RNGTT: variants seen among roughly 807,000 people sequenced by gnomAD.
RNGTT encodes mRNA-capping enzyme.
RNGTT carries 33 observed loss-of-function variants against 79.3 expected under a neutral mutation model. The observed-to-expected ratio is 0.42, with a 90% CI of 0.32 to 0.56. The LOEUF (loss-of-function observed/expected upper bound fraction) is 0.56, where lower values mean the gene tolerates loss of function less well. Among genes scored for constraint, RNGTT ranks in the 20% least tolerant of loss-of-function variants. The probability of loss-of-function intolerance (pLI) is 0.17; values close to 1 mark genes in which losing one functional copy is unlikely to be tolerated. For missense variants in RNGTT, 497 were observed against 739.1 expected (o/e 0.67, Z 3.80); for synonymous variants, 222 against 235.9 (o/e 0.94, Z 0.54).
At chr6:88,791,188 A>G (rs1165723806) in intron 12 of RNGTT, among the ~76,000 whole-genome samples, 1 of 150,030 alleles carries the variant, frequency 6.7e-6, no homozygotes, top group Non-Finnish European at 1.5e-5. Flanking sequence ...ATTGTCACCA[A>G]GGCCTGAGTG....
At chr6:88,625,033 T>C (rs1205129574) in intron 14 of RNGTT, among the ~76,000 whole-genome samples, 1 of 151,938 alleles carries the variant, frequency 6.6e-6, no homozygotes, top group Admixed American at 6.6e-5. Flanking sequence ...TGAGATACTA[T>C]ATATACCTAT....
intron 13 of RNGTT, among the ~76,000 whole-genome samples, chr6:88,713,794 G>T (rs565578112): frequency 6.6e-6 from 1 of 152,070 alleles, no homozygotes; most frequent in Non-Finnish European, 1.5e-5. Flanking sequence ...TATGAAACAG[G>T]AGATATGATA....
At chr6:88,919,832 A>C (rs996566764) in intron 4 of RNGTT, among the ~76,000 whole-genome samples, 1 of 148,440 alleles carries the variant, frequency 6.7e-6, no homozygotes, top group Non-Finnish European at 1.5e-5. Context: ...CTGGGATTAC[A>C]GGCATGCGCC....
chr6:88,678,206 C>T (rs1195481205), intron 14 of RNGTT, 147 bp downstream of exon 14: 4 of 1,298,510 alleles, frequency 3.1e-6, no homozygotes, highest in South Asian at 2.2e-5. Context: ...TGGTCTCAAC[C>T]TCCTGGGCTC....
chr6:88,726,146 A>G (rs552399813), intron 13 of RNGTT, among the ~76,000 whole-genome samples: 1 of 152,162 alleles, frequency 6.6e-6, no homozygotes, highest in Non-Finnish European at 1.5e-5. Flanking sequence ...CTTCTCTATG[A>G]CCCTGTAACA....
intron 4 of RNGTT, among the ~76,000 whole-genome samples, chr6:88,917,663 G>C (rs1784040598): frequency 6.6e-6 from 1 of 152,200 alleles, no homozygotes; most frequent in Non-Finnish European, 1.5e-5. Context: ...GAGGGTGGCG[G>C]ATCACTTGAG....
intron 12 of RNGTT, among the ~76,000 whole-genome samples, chr6:88,783,336 T>A (rs546771564): frequency 6.6e-6 from 1 of 152,174 alleles, no homozygotes; most frequent in East Asian, 1.9e-4. Flanking sequence ...GGAATCTCAA[T>A]TAGTCAAACT....
intron 6 of RNGTT, among the ~76,000 whole-genome samples, chr6:88,899,615 G>A (rs944340196): frequency 5.3e-5 from 8 of 151,888 alleles, no homozygotes; most frequent in African/African-American, 1.9e-4. Flanking sequence ...AAAAAAAGCT[G>A]GACAATGTTA....
At chr6:88,829,726 C>G (rs1293343139) in intron 11 of RNGTT, among the ~76,000 whole-genome samples, 2 of 145,442 alleles carry the variant, frequency 1.4e-5, no homozygotes, top group East Asian at 2.0e-4. Context: ...AAAAAAAAAC[C>G]AGGGGTTGCA....
chr6:88,865,747 TA>T (rs1782147427), intron 8 of RNGTT, among the ~76,000 whole-genome samples: 2 of 152,078 alleles, frequency 1.3e-5, no homozygotes, highest in Non-Finnish European at 2.9e-5. Context: ...ATTAGAATGA[TA>T]AAAACAAACC....
chr6:88,702,263 C>T (rs1019671652), intron 13 of RNGTT, among the ~76,000 whole-genome samples: 1 of 152,004 alleles, frequency 6.6e-6, no homozygotes, highest in African/African-American at 2.4e-5. Flanking sequence ...TAAAGCAATC[C>T]TAGGCAAAAG....
At chr6:88,698,135 T>C (rs1365857099) in intron 13 of RNGTT, among the ~76,000 whole-genome samples, 1 of 116,328 alleles carries the variant, frequency 8.6e-6, no homozygotes, top group African/African-American at 4.0e-5. Context: ...TACATATATA[T>C]GATATATATA....
chr6:88,708,250 A>G (rs1422886315), intron 13 of RNGTT, among the ~76,000 whole-genome samples: 1 of 152,072 alleles, frequency 6.6e-6, no homozygotes, highest in Admixed American at 6.6e-5. Context: ...TCCATGCCAC[A>G]GGTGAAACTA....
intron 13 of RNGTT, among the ~76,000 whole-genome samples, chr6:88,763,000 T>C (rs371414109): frequency 3.8e-4 from 57 of 151,660 alleles, no homozygotes; most frequent in African/African-American, 1.4e-3. Context: ...CACAGCTCAC[T>C]GTAGCCCCAA....
At chr6:88,751,068 G>C (rs1032379190) in intron 13 of RNGTT, among the ~76,000 whole-genome samples, 1 of 152,140 alleles carries the variant, frequency 6.6e-6, no homozygotes, top group Non-Finnish European at 1.5e-5. Flanking sequence ...TTACTGAATA[G>C]TGATGAATCA....
chr6:88,691,740 T>C (rs747912921), intron 13 of RNGTT, among the ~76,000 whole-genome samples: 5 of 152,188 alleles, frequency 3.3e-5, no homozygotes, highest in Non-Finnish European at 4.4e-5. Flanking sequence ...TACATGGGTA[T>C]TGTATTTCAT....
At chr6:88,659,943 A>G (rs1294157215) in intron 14 of RNGTT, among the ~76,000 whole-genome samples, 2 of 152,232 alleles carry the variant, frequency 1.3e-5, no homozygotes, top group Admixed American at 6.5e-5. Flanking sequence ...TATCAGATTA[A>G]CAGCTCATTT....
chr6:88,795,698 C>A (rs77587238), intron 12 of RNGTT, among the ~76,000 whole-genome samples: 132,777 of 149,294 alleles, frequency 0.89, 58,130 homozygotes, highest in East Asian at 0.93. Flanking sequence ...TTAAAAACCA[C>A]CACCAAAAAA....
intron 11 of RNGTT, among the ~76,000 whole-genome samples, chr6:88,827,787 T>C (rs1780720629): frequency 2.0e-5 from 3 of 152,258 alleles, no homozygotes; most frequent in South Asian, 4.1e-4. Flanking sequence ...AAGTTCCAAC[T>C]GGGCAGACCC....
Sources: allele counts gnomAD v4.1 joint callset (sites outside exome capture counted in the v4.1 genomes callset), GRCh38; gene constraint gnomAD v4.1.1; transcripts MANE v1.5; gene names NCBI Gene and HGNC (gene_info 2026-07-23, HGNC 2026-07-21).